The following LOXHD1 variants were observed in gnomAD, a reference collection of about 807,000 sequenced individuals.
LOXHD1 encodes lipoxygenase homology domain-containing protein 1.
A neutral mutation model predicts 248.2 loss-of-function variants in LOXHD1; 205 were observed. The observed-to-expected ratio is 0.83, with a 90% confidence interval of 0.74 to 0.93. The LOEUF (loss-of-function observed/expected upper bound fraction) is 0.93. LOXHD1 is among the 40% of genes least tolerant of loss of function. The pLI is 0.00. For missense variants in LOXHD1, 2,930 were observed against 2,971.6 expected, an observed-to-expected ratio of 0.99 and a Z score of 0.33; for synonymous variants, 1,113 against 1,162.8, an observed-to-expected ratio of 0.96 and a Z score of 0.87.
chr18:46,634,308 G>A (rs888900797), intron 4 of LOXHD1, among the ~76,000 whole-genome samples: 1 of 152,224 alleles, frequency 6.6e-6, no homozygotes, highest in African/African-American at 2.4e-5. Flanking sequence ...ATTATGCTAA[G>A]TGAAATGAGC....
rs549123659 is a variant in LOXHD1, at chr18:46,531,824, A to C, written c.4375+1338T>G. Among the ~76,000 whole-genome samples the C allele has an allele frequency of 2.0e-5, 3 of 152,358 alleles. No individual in the cohort carries two copies. The East Asian group carries it at 5.8e-4, about 29-fold the overall frequency. ...CTCTCCTGGGACAGCATTCCAGGGC[A>C]TCCTCTGGGGTCCAAGTTGAGAAGG... On this transcript the variant is annotated intron_variant, in intron 28 of 40. Transcript: ENST00000642948.
At chr18:46,522,379 G>A (rs1006186488) in intron 31 of LOXHD1, 70 bp from the exon 32 acceptor site, 1 of 1,330,846 alleles carries the variant, frequency 7.5e-7, no homozygotes, top group Non-Finnish European at 1.0e-6. Context: ...TAGACTCACA[G>A]ATTTGGAAGT....
At chr18:46,557,203 C>A (rs1459127062) in intron 21 of LOXHD1, among the ~76,000 whole-genome samples, 153 bp downstream of exon 21, 2 of 142,588 alleles carry the variant, frequency 1.4e-5, no homozygotes, top group African/African-American at 5.2e-5. Flanking sequence ...GATGTCACGG[C>A]CAGTACACCT....
At chr18:46,605,802 G>A (rs1681380578) in intron 6 of LOXHD1, among the ~76,000 whole-genome samples, 1 of 152,150 alleles carries the variant, frequency 6.6e-6, no homozygotes, top group African/African-American at 2.4e-5. Flanking sequence ...AGGAAGATGG[G>A]AGATTTAATA....
At chr18:46,477,090 T>TG, downstream of LOXHD1, 1 of 704,860 alleles carries the variant, frequency 1.4e-6, no homozygotes, top group Non-Finnish European at 2.6e-6. Flanking sequence ...CTAGCTTTTT[T>TG]GGGGAAAAGT....
chr18:46,534,516 C>T, intron 26 of LOXHD1, 65 bp from the exon 27 acceptor site: 1 of 1,203,718 alleles, frequency 8.3e-7, no homozygotes, highest in Non-Finnish European at 1.2e-6. Flanking sequence ...GCCTTGGCAA[C>T]ATCCTGCTTC....
At chr18:46,617,490 T>C (rs1425128320) in intron 5 of LOXHD1, among the ~76,000 whole-genome samples, 3 of 152,134 alleles carry the variant, frequency 2.0e-5, no homozygotes, top group South Asian at 2.1e-4. Flanking sequence ...GTTAACACTT[T>C]GGTTTTGAAT....
rs569144159 is a variant in LOXHD1, at chr18:46,574,388, T to TACACACACACACACACACACACACAC, written c.1971-2252_1971-2227dup. ...TCACAGGAGTGTGTGTGTGTACACA[T>TACACACACACACACACACACACACAC]ACACACACACACACACACACACACA... On this transcript the variant is annotated intron_variant, in intron 14 of 40. Transcript: ENST00000642948. Among the ~76,000 whole-genome samples the TACACACACACACACACACACACACAC allele has an allele frequency of 5.8e-3, 732 of 125,262 alleles. 10 individuals carry two copies. Among genetic ancestry groups the TACACACACACACACACACACACACAC allele is most frequent in the Middle Eastern group, 0.012 (3 of 246 alleles). The allele number at this position is 125,262 out of a possible 152,430, so 82.2% of individuals were successfully genotyped here.
At chr18:46,622,477 C>T (rs984580794) in intron 4 of LOXHD1, among the ~76,000 whole-genome samples, 3 of 152,252 alleles carry the variant, frequency 2.0e-5, no homozygotes, top group South Asian at 2.1e-4. Flanking sequence ...ATTGGGCCAC[C>T]GGTGAGAGTT....
At chr18:46,519,518 G>C (rs1228180281) in intron 33 of LOXHD1, among the ~76,000 whole-genome samples, 2 of 152,176 alleles carry the variant, frequency 1.3e-5, no homozygotes, top group Admixed American at 6.5e-5. Context: ...TTTGCTGAGG[G>C]AATGGATGAA....
chr18:46,600,414 C>T (rs772102568), intron 8 of LOXHD1, among the ~76,000 whole-genome samples: 9 of 152,158 alleles, frequency 5.9e-5, no homozygotes, highest in Non-Finnish European at 7.3e-5. Context: ...GCCTGGCCAA[C>T]ATGGTGAAAC....
At chr18:46,543,084 A>C (rs1031281459) in intron 23 of LOXHD1, among the ~76,000 whole-genome samples, 2 of 152,162 alleles carry the variant, frequency 1.3e-5, no homozygotes, top group African/African-American at 4.8e-5. Context: ...TGGGTGAGTT[A>C]GTAGTGAATT....
rs543001709 is a variant in LOXHD1, at chr18:46,562,945, A to G, written c.2598+120T>C. On this transcript the variant is annotated intron_variant, in intron 18 of 40. Transcript: ENST00000642948. The stretch of plus-strand genomic sequence containing the variant: ...GGAGAGAGGAAGCATTTTCCACCCA[A>G]CTGGAGGGAGGCAGCCCATTCTCGG... 3.0e-4 allele frequency: 367 copies of G among 1,228,064 alleles called. 4 individuals are homozygous for G. In the African/African-American group the frequency reaches 5.0e-3, roughly 17 times the overall value. 76.1% of individuals were successfully genotyped at this position (1,228,064 alleles called of 1,614,324 possible).
rs34951935 is a variant in LOXHD1, at chr18:46,657,135, C to T, written c.-102G>A. On this transcript the variant is annotated 5_prime_UTR_variant, in exon 1 of 41. Transcript: ENST00000642948. ...TCCCTGAGCTCTGGCGCCCACGGCC[C>T]TCCTATAGCTCAGGCCTGGGTGGGC... is the stretch of plus-strand genomic sequence containing the variant. 0.15 allele frequency: 232,576 copies of T among 1,531,706 alleles called. 18,523 individuals are homozygous for T. The highest frequency in any genetic ancestry group is 0.22 in the Middle Eastern group (1,202 of 5,398). The allele number at this position is 1,531,706 out of a possible 1,614,324, so 94.9% of individuals were successfully genotyped here.
At chr18:46,519,158 C>T (rs1309118023) in intron 33 of LOXHD1, 2 of 937,266 alleles carry the variant, frequency 2.1e-6, no homozygotes, top group Non-Finnish European at 2.5e-6. Flanking sequence ...TACTCCCTTC[C>T]TTCTCACCAA....
At chr18:46,497,808 G>A (rs2033968712) in intron 37 of LOXHD1, among the ~76,000 whole-genome samples, 4 of 152,206 alleles carry the variant, frequency 2.6e-5, no homozygotes, top group African/African-American at 9.6e-5. Context: ...TGTTCTGGGA[G>A]TGGGCTCAAG....
At chr18:46,575,478 A>C (rs2037835737) in intron 14 of LOXHD1, among the ~76,000 whole-genome samples, 1 of 152,220 alleles carries the variant, frequency 6.6e-6, no homozygotes, top group Non-Finnish European at 1.5e-5. Flanking sequence ...AAATTAAAAT[A>C]AGGTCATTAG....
Position 46,560,147 on chromosome 18 carries a change from G to T in LOXHD1, c.2997C>A (p.Ala999=), listed in dbSNP as rs1011620335. Residue 999 remains alanine (A), a synonymous_variant, in exon 19 of 41, where the codon GCC becomes GCA. Coordinates refer to ENST00000642948, the MANE Select transcript of LOXHD1 (RefSeq NM_001384474.1). ...QHKFEAHRWL[A]RGKEDNELVV... is the part of the protein sequence containing the mutation. ...CAAGTTCGTTGTCCTCCTTGCCCCGGGCCAGCCAGCGGTGGGCTTCGAACT... is the reference window on the plus strand; with the variant it reads ...CAAGTTCGTTGTCCTCCTTGCCCCGTGCCAGCCAGCGGTGGGCTTCGAACT... The T allele has an allele frequency of 1.3e-6, 2 of 1,526,234 alleles. No homozygotes were observed. The highest frequency in any genetic ancestry group is 2.8e-5 in the African/African-American group (2 of 71,566). The allele number at this position is 1,526,234 out of a possible 1,614,324, so 94.5% of individuals were successfully genotyped here.
intron 28 of LOXHD1, 60 bp downstream of exon 28, chr18:46,533,102 C>A: frequency 6.5e-7 from 1 of 1,534,154 alleles, no homozygotes; most frequent in Non-Finnish European, 8.8e-7. Flanking sequence ...GGCATGTGCT[C>A]AGGAGGACCA....
Sources: allele counts gnomAD v4.1 joint callset (sites outside exome capture counted in the v4.1 genomes callset), GRCh38; gene constraint gnomAD v4.1.1; transcripts MANE v1.5; gene names NCBI Gene and HGNC (gene_info 2026-07-23, HGNC 2026-07-21).